LMO3: variants seen among roughly 807,000 people sequenced by gnomAD.
LMO3 encodes the protein LIM domain only 3.
In LMO3, 2 loss-of-function variants were observed where a neutral mutation model predicts 15.8. The ratio of observed to expected loss-of-function variants is 0.13; its 90% CI spans 0.05 to 0.40. LMO3 has a LOEUF of 0.40. Among genes scored for constraint, LMO3 ranks in the 10% least tolerant of loss-of-function variants. The probability of loss-of-function intolerance (pLI) is 0.99; values close to 1 mark genes in which losing one functional copy is unlikely to be tolerated. For synonymous variants in LMO3, 62 were observed against 63.8 expected, an observed-to-expected ratio of 0.97 and a Z score of 0.13; for missense variants, 86 against 182.2, an observed-to-expected ratio of 0.47 and a Z score of 3.04.
rs75421378 is a variant in LMO3, at chr12:16,589,911, G to A, written c.206+10744C>T. Among the ~76,000 whole-genome samples the A allele has an allele frequency of 4.3e-4, 65 of 152,164 alleles. No homozygotes were observed. The highest frequency in any genetic ancestry group is 1.2e-3 in the African/African-American group (50 of 41,524). On this transcript the variant is annotated intron_variant, in intron 2 of 3. Transcript: ENST00000537304. This position sits in a 1 kb window ranked among gnomAD's most constrained non-coding sequence, Gnocchi z 4.2. Reference sequence around the variant, plus strand: ...GTAAAGCTCTCTGGCTACTGTCTCCGTCTAGCTTTCTGGGAAGTATGTGTT... The same window carrying A: ...GTAAAGCTCTCTGGCTACTGTCTCCATCTAGCTTTCTGGGAAGTATGTGTT...
At chr12:16,606,851 G>A (rs1279393699), upstream of LMO3, 1 of 152,220 alleles carries the variant, frequency 6.6e-6, no homozygotes, top group African/African-American at 2.4e-5. Flanking sequence ...ACTCCTGCGA[G>A]AGAGCTCCGG....
rs1316036254 is a variant in LMO3, at chr12:16,603,773, C to T, written c.-9+2293G>A. On this transcript the variant is annotated intron_variant, in intron 1 of 3. Transcript: ENST00000537304. The surrounding 1 kb of genome is among the most constrained non-coding windows in gnomAD (Gnocchi z 4.9). The stretch of plus-strand genomic sequence containing the variant: ...GTTCCCTTGTTCTGTACCATTCATC[C>T]GCACAGTCTCAGCTTCAGTAGTTAA... Among the ~76,000 whole-genome samples, 7 of 152,208 alleles carry T rather than the reference C, an allele frequency of 4.6e-5. No homozygotes were observed. Among genetic ancestry groups the T allele is most frequent in the East Asian group, 3.9e-4 (2 of 5,174 alleles).
chr12:16,566,691 AAT>A (rs778354067), intron 2 of LMO3, among the ~76,000 whole-genome samples: 5 of 150,656 alleles, frequency 3.3e-5, no homozygotes, highest in Non-Finnish European at 7.3e-5. Flanking sequence ...CTTTGTAAAT[AAT>A]ATTTTTCTTT....
chr12:16,603,553 T>C lies in LMO3; in HGVS notation c.-9+2513A>G, dbSNP rs1375830438. The stretch of plus-strand genomic sequence containing the variant: ...TGTAAATTGTTCTGAGGGAAATTCT[T>C]ATTGCCTCTGAGACCCTGCCATTCT... On this transcript the variant is annotated intron_variant, in intron 1 of 3. Coordinates refer to ENST00000537304, the MANE Select transcript of LMO3 (RefSeq NM_018640.5). This position sits in a 1 kb window ranked among gnomAD's most constrained non-coding sequence, Gnocchi z 4.9. 6.6e-6 allele frequency among the ~76,000 whole-genome samples: 1 copy of C among 152,168 alleles called. No homozygotes were observed. The highest frequency in any genetic ancestry group is 1.5e-5 in the Non-Finnish European group (1 of 68,026).
Position 16,606,158 on chromosome 12 carries a change from TG to T in LMO3, c.-102del. 2.2e-5 allele frequency: 3 copies of T among 135,768 alleles called. No individual in the cohort carries two copies. Among genetic ancestry groups the T allele is most frequent in the Non-Finnish European group, 4.0e-5 (3 of 74,492 alleles). 8.4% of individuals were successfully genotyped at this position (135,768 alleles called of 1,614,324 possible). On this transcript the variant is annotated 5_prime_UTR_variant, in exon 1 of 4. Transcript: ENST00000537304. The stretch of plus-strand genomic sequence containing the variant: ...CTTGGGAAAGGTCAAAAAGAAGCAT[TG>T]TTTGAAAAAAAAAAAAAAGACGGGG...
intron 2 of LMO3, chr12:16,594,411 A>G: frequency 1.7e-6 from 1 of 593,458 alleles, no homozygotes; most frequent in Admixed American, 3.3e-5. Context: ...AAAAATACCT[A>G]GCAAATTGAA....
Position 16,559,321 on chromosome 12 carries a change from AAAAATAT to A in LMO3, c.332+1085_332+1091del, listed in dbSNP as rs1942304618. Reference sequence around the variant, plus strand: ...GTAGTATATAGTTTTCACAGAAATAAAAAATATAACTTTCAATAAGAAAAAATGGAAT... The same window carrying A: ...GTAGTATATAGTTTTCACAGAAATAAAACTTTCAATAAGAAAAAATGGAAT... On this transcript the variant is annotated intron_variant, in intron 3 of 3. Coordinates refer to ENST00000537304, the MANE Select transcript of LMO3 (RefSeq NM_018640.5). The surrounding 1 kb of genome is among the most constrained non-coding windows in gnomAD (Gnocchi z 4.1). 6.6e-6 allele frequency among the ~76,000 whole-genome samples: 1 copy of A among 152,226 alleles called. No homozygotes were observed. The highest frequency in any genetic ancestry group is 2.4e-5 in the African/African-American group (1 of 41,458).
chr12:16,573,750 A>G (rs1452490888), intron 2 of LMO3: 1 of 152,190 alleles, frequency 6.6e-6, no homozygotes, highest in East Asian at 1.9e-4. Context: ...ATTGCAAAAC[A>G]AGGCCGTTAC....
intron 3 of LMO3, among the ~76,000 whole-genome samples, chr12:16,557,366 G>T (rs1472963146): frequency 9.6e-6 from 1 of 104,480 alleles, no homozygotes; most frequent in African/African-American, 3.6e-5. Flanking sequence ...AGGTGGCAAG[G>T]ATTTTTTTTT....
At chr12:16,568,133 G>C (rs1453421082) in intron 2 of LMO3, among the ~76,000 whole-genome samples, 1 of 152,062 alleles carries the variant, frequency 6.6e-6, no homozygotes, top group African/African-American at 2.4e-5. Flanking sequence ...TATTGTCATC[G>C]GTTTCTCTGG....
intron 1 of LMO3, chr12:16,605,687 G>A (rs2137743500): frequency 7.6e-7 from 1 of 1,319,972 alleles, no homozygotes; most frequent in South Asian, 1.3e-5. Flanking sequence ...AACTCTCCCT[G>A]CCCCTCTCTC....
At chr12:16,600,517 G>C (rs1325915562) in intron 2 of LMO3, 138 bp downstream of exon 2, 7 of 687,334 alleles carry the variant, frequency 1.0e-5, no homozygotes, top group Non-Finnish European at 1.7e-5. Context: ...ACAGGGCAAC[G>C]CTTTGAAGGC....
intron 2 of LMO3, among the ~76,000 whole-genome samples, chr12:16,574,169 A>T (rs966246747): frequency 2.0e-5 from 3 of 152,142 alleles, no homozygotes; most frequent in African/African-American, 7.2e-5. Context: ...AGTAAGTTAG[A>T]GGAAGACAGT....
upstream of LMO3, chr12:16,606,886 T>C (rs1944019969): frequency 1.3e-5 from 2 of 152,138 alleles, no homozygotes; most frequent in African/African-American, 4.8e-5. Flanking sequence ...GTTCCTAAAA[T>C]AACCAGGGCA....
chr12:16,560,553 ATTTT>A lies in LMO3; in HGVS notation c.207-19_207-16del. The A allele has an allele frequency of 7.1e-7, 1 of 1,414,558 alleles. No homozygotes were observed. Among genetic ancestry groups the A allele is most frequent in the Non-Finnish European group, 9.6e-7 (1 of 1,037,322 alleles). 87.6% of individuals were successfully genotyped at this position (1,414,558 alleles called of 1,614,324 possible). A position where few individuals can be genotyped will look rare whatever the true frequency, so the allele number is the denominator to read the frequency against. On this transcript the variant is annotated splice_polypyrimidine_tract_variant and intron_variant, in intron 2 of 3. Coordinates refer to ENST00000537304, the MANE Select transcript of LMO3 (RefSeq NM_018640.5). The surrounding 1 kb of genome is among the most constrained non-coding windows in gnomAD (Gnocchi z 5.0). The stretch of plus-strand genomic sequence containing the variant: ...CACCAAAGAGCCTAGAATAAGAAAC[ATTTT>A]TTTTTTTTTACAAACTCTTACAGAG...
rs914384938 is a variant in LMO3, at chr12:16,593,608, T to C, written c.206+7047A>G. On this transcript the variant is annotated intron_variant, in intron 2 of 3. Transcript: ENST00000537304. The surrounding 1 kb of genome is among the most constrained non-coding windows in gnomAD (Gnocchi z 4.2). ...CATAATACAGCACAGAAGCAAAAAA[T>C]GGCACAAGCAAATGCACAGTTGGCT... Among the ~76,000 whole-genome samples the C allele has an allele frequency of 6.6e-6, 1 of 151,658 alleles. No individual in the cohort carries two copies. The highest frequency in any genetic ancestry group is 1.5e-5 in the Non-Finnish European group (1 of 67,734).
In LMO3 at chr12:16,551,214, T is replaced by A. The variant is rs1288067083; in HGVS notation, c.*8A>T. 6.5e-7 allele frequency: 1 copy of A among 1,539,230 alleles called. No individual in the cohort carries two copies. Among genetic ancestry groups the A allele is most frequent in the South Asian group, 1.1e-5 (1 of 89,556 alleles). On this transcript the variant is annotated 3_prime_UTR_variant, in exon 4 of 4. Transcript: ENST00000537304. ...GCTTTGTATTCTTAATGGGGTGATG[T>A]TGATAGATCAGCGAACCTGGGGTGC...
intron 2 of LMO3, among the ~76,000 whole-genome samples, chr12:16,561,494 A>G (rs1216407250): frequency 1.3e-5 from 2 of 152,130 alleles, no homozygotes; most frequent in South Asian, 4.1e-4. Flanking sequence ...AATGGCTCTC[A>G]TGGGAAAGAC....
At chr12:16,562,782 A>T (rs985235990) in intron 2 of LMO3, among the ~76,000 whole-genome samples, 1 of 152,226 alleles carries the variant, frequency 6.6e-6, no homozygotes, top group Non-Finnish European at 1.5e-5. Context: ...AATAACAGAC[A>T]AATGATTTGT....
Sources: gnomAD v4.1 joint callset for allele counts (sites outside exome capture counted in the v4.1 genomes callset) on GRCh38, gnomAD v4.1.1 for gene constraint, Gnocchi (gnomAD v3.1) non-coding constraint, MANE v1.5 for transcripts, NCBI Gene and HGNC (gene_info 2026-07-23, HGNC 2026-07-21) for gene names.